MTA3: variants seen among roughly 807,000 people sequenced by gnomAD.
The protein encoded by MTA3 is metastasis associated 1 family member 3, also known as metastasis-associated protein MTA3.
In MTA3, 34 loss-of-function variants were observed where a neutral mutation model predicts 83.5. That is an observed-to-expected ratio of 0.41 (90% CI 0.31 to 0.54). MTA3 has a LOEUF of 0.54. Among genes scored for constraint, MTA3 ranks in the 20% least tolerant of loss-of-function variants. MTA3 has a pLI of 0.33. For synonymous variants in MTA3, 303 were observed against 252.7 expected (o/e 1.20, Z -1.89); for missense variants, 761 against 726.4 (o/e 1.05, Z -0.55).
At chr2:42,637,329 A>G (rs1223549950) in intron 4 of MTA3, among the ~76,000 whole-genome samples, 1 of 152,174 alleles carries the variant, frequency 6.6e-6, no homozygotes, top group Non-Finnish European at 1.5e-5. Context: ...CATCTTTATT[A>G]TTTAAGGATT....
intron 3 of MTA3, among the ~76,000 whole-genome samples, chr2:42,588,266 A>G (rs1286077392): frequency 6.6e-6 from 1 of 152,168 alleles, no homozygotes; most frequent in Non-Finnish European, 1.5e-5. Context: ...TTTACATGTA[A>G]GTAAGTAGAT....
At chr2:42,530,458 G>A (rs566264458) in intron 2 of MTA3, among the ~76,000 whole-genome samples, 13 of 150,568 alleles carry the variant, frequency 8.6e-5, no homozygotes, top group African/African-American at 3.2e-4. Context: ...CTGCACTCCA[G>A]CCTGGGCGAC....
intron 16 of MTA3, among the ~76,000 whole-genome samples, chr2:42,751,078 A>C (rs1669840780): frequency 6.6e-6 from 1 of 152,158 alleles, no homozygotes; most frequent in African/African-American, 2.4e-5. Context: ...CCAGCTTCTA[A>C]AATTCTGTGG....
intron 4 of MTA3, among the ~76,000 whole-genome samples, chr2:42,625,704 G>A (rs899889297): frequency 7.2e-6 from 1 of 138,160 alleles, no homozygotes; most frequent in East Asian, 2.2e-4. Context: ...CCGAGATCAC[G>A]CCACTGCACT....
intron 9 of MTA3, among the ~76,000 whole-genome samples, chr2:42,692,761 GTC>G (rs1693017867): frequency 1.3e-5 from 2 of 152,158 alleles, no homozygotes; most frequent in African/African-American, 4.8e-5. Context: ...AAGGTCACAT[GTC>G]TCTGTTTGTC....
chr2:42,655,649 T>C (rs985191543), intron 6 of MTA3, among the ~76,000 whole-genome samples: 3 of 152,192 alleles, frequency 2.0e-5, no homozygotes, highest in African/African-American at 4.8e-5. Flanking sequence ...GTCGCCCAGG[T>C]TGGAGTACAG....
intron 2 of MTA3, among the ~76,000 whole-genome samples, chr2:42,500,811 C>CTTT (rs1177557640): frequency 2.3e-5 from 3 of 133,158 alleles, no homozygotes; most frequent in African/African-American, 5.6e-5. Flanking sequence ...CTTTATGAAG[C>CTTT]TTTTTTTTTT....
intron 14 of MTA3, chr2:42,709,320 C>T (rs1314175199): frequency 7.4e-7 from 1 of 1,359,798 alleles, no homozygotes. Flanking sequence ...TACTCTTTAC[C>T]AGAGAGTAGT....
chr2:42,750,419 T>A (rs1008434630), intron 16 of MTA3, among the ~76,000 whole-genome samples: 8 of 150,834 alleles, frequency 5.3e-5, no homozygotes, highest in African/African-American at 2.0e-4. Context: ...TTTTTTTCCC[T>A]GGTGACCTTT....
intron 2 of MTA3, among the ~76,000 whole-genome samples, chr2:42,547,038 C>T (rs148298853): frequency 6.6e-6 from 1 of 152,250 alleles, no homozygotes; most frequent in African/African-American, 2.4e-5. Flanking sequence ...CAGAGGTTCC[C>T]CCCACTACTC....
chr2:42,679,561 A>C (rs1691681459), intron 8 of MTA3, among the ~76,000 whole-genome samples: 1 of 152,220 alleles, frequency 6.6e-6, no homozygotes, highest in Non-Finnish European at 1.5e-5. Flanking sequence ...CAGTGGTGGC[A>C]AAGAAGAGTT....
chr2:42,552,210 A>G (rs1367759909), intron 2 of MTA3, among the ~76,000 whole-genome samples: 8 of 152,166 alleles, frequency 5.3e-5, no homozygotes. Context: ...TGTGCCTGGC[A>G]TGTCTAGGGA....
chr2:42,505,725 A>G (rs1674598769), intron 2 of MTA3, among the ~76,000 whole-genome samples: 1 of 151,992 alleles, frequency 6.6e-6, no homozygotes, highest in Non-Finnish European at 1.5e-5. Context: ...AGCAAGGGCA[A>G]GTGGGTGGGA....
chr2:42,604,360 G>A (rs981972661), intron 3 of MTA3, among the ~76,000 whole-genome samples: 9 of 152,182 alleles, frequency 5.9e-5, no homozygotes, highest in Non-Finnish European at 1.3e-4. Flanking sequence ...TAACTCTTAA[G>A]TTTAGTCTCC....
At chr2:42,694,324 G>A (rs1025207595) in intron 9 of MTA3, among the ~76,000 whole-genome samples, 1 of 152,110 alleles carries the variant, frequency 6.6e-6, no homozygotes, top group Admixed American at 6.5e-5. Context: ...AGCACTAGGA[G>A]TTGTTTAGGA....
intron 2 of MTA3, among the ~76,000 whole-genome samples, chr2:42,572,783 A>G (rs991730858): frequency 6.6e-6 from 1 of 152,162 alleles, no homozygotes; most frequent in Admixed American, 6.6e-5. Flanking sequence ...ACTGGAGTGC[A>G]ATGGCGCAAT....
intron 10 of MTA3, 54 bp downstream of exon 10, chr2:42,695,893 T>A: frequency 8.2e-7 from 1 of 1,212,514 alleles, no homozygotes; most frequent in South Asian, 1.5e-5. Flanking sequence ...AACTTTCTGT[T>A]TATATTTTAA....
intron 15 of MTA3, among the ~76,000 whole-genome samples, chr2:42,719,549 T>C (rs1439646): frequency 0.65 from 98,718 of 152,046 alleles, 32,797 homozygotes; most frequent in South Asian, 0.8. Context: ...ATTTTATTTG[T>C]TTTTTGTAGA....
intron 8 of MTA3, among the ~76,000 whole-genome samples, chr2:42,674,558 T>C (rs1293081179): frequency 3.3e-5 from 5 of 152,040 alleles, no homozygotes; most frequent in Admixed American, 1.3e-4. Flanking sequence ...GCAAAGTATT[T>C]AATCTGGAGG....
Sources: allele counts gnomAD v4.1 joint callset (sites outside exome capture counted in the v4.1 genomes callset), GRCh38; gene constraint gnomAD v4.1.1; transcripts MANE v1.5; gene names NCBI Gene and HGNC (gene_info 2026-07-23, HGNC 2026-07-21).